Variants in ZDHHC14 observed in about 807,000 individuals in gnomAD.
The protein encoded by ZDHHC14 is zDHHC palmitoyltransferase 14.
ZDHHC14 carries 16 observed loss-of-function variants against 47.7 expected under a neutral mutation model. The observed-to-expected ratio is 0.34, with a 90% CI of 0.23 to 0.51. The LOEUF is 0.51. ZDHHC14 is among the 20% of genes least tolerant of loss of function. ZDHHC14 has a pLI of 0.97. For missense variants in ZDHHC14, 515 were observed against 662.5 expected, an observed-to-expected ratio of 0.78 and a Z score of 2.44; for synonymous variants, 293 against 278.9, an observed-to-expected ratio of 1.05 and a Z score of -0.50.
chr6:157,633,290 C>T (rs1375086784), intron 5 of ZDHHC14, among the ~76,000 whole-genome samples: 1 of 152,202 alleles, frequency 6.6e-6, no homozygotes, highest in Non-Finnish European at 1.5e-5. Flanking sequence ...TCAGACCCCT[C>T]TGTTCCGATT....
rs970077320 is a variant in ZDHHC14, at chr6:157,676,913, T to A, written c.*3791T>A. The A allele has an allele frequency of 1.6e-4, 24 of 152,364 alleles. No homozygotes were observed. The highest frequency in any genetic ancestry group is 5.5e-4 in the African/African-American group (23 of 41,574). The allele number at this position is 152,364 out of a possible 1,614,324, so 9.4% of individuals were successfully genotyped here. On this transcript the variant is annotated 3_prime_UTR_variant, in exon 9 of 9. Transcript: ENST00000359775. ...GGGATCGGGGTTTGCGTTGATATTA[T>A]AAGGAATCTTCCCAGAAGGAGCTGC...
chr6:157,432,836 A>T (rs540427324), intron 1 of ZDHHC14, among the ~76,000 whole-genome samples: 1 of 152,342 alleles, frequency 6.6e-6, no homozygotes, highest in South Asian at 2.1e-4. Flanking sequence ...ACAGCTTTTC[A>T]TGCTTCTGGA....
At chr6:157,495,583 T>C (rs1377606072) in intron 1 of ZDHHC14, among the ~76,000 whole-genome samples, 2 of 151,258 alleles carry the variant, frequency 1.3e-5, no homozygotes, top group South Asian at 2.1e-4. Flanking sequence ...CATGGGAGGG[T>C]ACATGACATT....
chr6:157,632,922 G>C (rs1294630947), intron 5 of ZDHHC14, 40 bp downstream of exon 5: 1 of 1,607,356 alleles, frequency 6.2e-7, no homozygotes, highest in Admixed American at 1.7e-5. Flanking sequence ...ATGCTAATGT[G>C]TTGAGTATCT....
intron 3 of ZDHHC14, among the ~76,000 whole-genome samples, chr6:157,626,416 C>A (rs1466976065): frequency 6.6e-6 from 1 of 152,160 alleles, no homozygotes; most frequent in Non-Finnish European, 1.5e-5. Flanking sequence ...TCTCTCTGTG[C>A]ACGTTGACAC....
intron 8 of ZDHHC14, 67 bp downstream of exon 8, chr6:157,653,694 C>T: frequency 6.6e-7 from 1 of 1,509,612 alleles, no homozygotes; most frequent in Non-Finnish European, 9.1e-7. Flanking sequence ...TAACAGGCCA[C>T]CAAGCAGCCT....
chr6:157,473,245 A>G (rs949067664), intron 1 of ZDHHC14, among the ~76,000 whole-genome samples: 6 of 152,236 alleles, frequency 3.9e-5, no homozygotes, highest in Non-Finnish European at 4.4e-5. Flanking sequence ...GTCATGATGT[A>G]CAATAGAGCT....
intron 3 of ZDHHC14, among the ~76,000 whole-genome samples, chr6:157,625,596 G>A (rs111976851): frequency 0.03 from 4,533 of 152,162 alleles, 140 homozygotes; most frequent in African/African-American, 0.082. Context: ...GGGAGAGCAC[G>A]CAGGCTCGAG....
At chr6:157,481,696 G>C (rs143292106) in intron 1 of ZDHHC14, among the ~76,000 whole-genome samples, 6 of 152,244 alleles carry the variant, frequency 3.9e-5, no homozygotes, top group African/African-American at 1.2e-4. Context: ...CTTCCAGGAA[G>C]TCCTCAGTGC....
intron 1 of ZDHHC14, among the ~76,000 whole-genome samples, chr6:157,453,590 C>T (rs917948707): frequency 9.2e-5 from 14 of 152,210 alleles, no homozygotes; most frequent in Admixed American, 3.9e-4. Context: ...TTCATTCATA[C>T]AGTGAATGTT....
At chr6:157,650,529 C>T (rs1317681343) in intron 7 of ZDHHC14, among the ~76,000 whole-genome samples, 3 of 151,928 alleles carry the variant, frequency 2.0e-5, no homozygotes, top group Non-Finnish European at 4.4e-5. Context: ...GGATGCTGGC[C>T]GAGAACGCTT....
At chr6:157,647,509 G>T (rs1562527638) in intron 7 of ZDHHC14, 141 bp downstream of exon 7, 3 of 563,674 alleles carry the variant, frequency 5.3e-6, no homozygotes, top group East Asian at 5.8e-5. Flanking sequence ...TGGCCTTCGT[G>T]AAATCGAGAT....
chr6:157,475,701 T>C (rs1264876476), intron 1 of ZDHHC14, among the ~76,000 whole-genome samples: 1 of 152,148 alleles, frequency 6.6e-6, no homozygotes, highest in Non-Finnish European at 1.5e-5. Flanking sequence ...TGATTGTTAG[T>C]ATATAGAAAT....
intron 3 of ZDHHC14, among the ~76,000 whole-genome samples, chr6:157,627,150 CA>C (rs1432987946): frequency 1.3e-5 from 2 of 152,192 alleles, no homozygotes; most frequent in Non-Finnish European, 2.9e-5. Flanking sequence ...TTTCAAGAAA[CA>C]AGCTTGCATT....
chr6:157,645,585 C>T lies in ZDHHC14; in HGVS notation c.753-152C>T, dbSNP rs1777489285. 22 of 611,532 alleles carry T rather than the reference C, an allele frequency of 3.6e-5. No individual in the cohort carries two copies. In the East Asian group the frequency reaches 6.4e-4, roughly 18 times the overall value. 37.9% of individuals were successfully genotyped at this position (611,532 alleles called of 1,614,324 possible). A position where few individuals can be genotyped will look rare whatever the true frequency, so the allele number is the denominator to read the frequency against. On this transcript the variant is annotated intron_variant, in intron 5 of 8. Transcript: ENST00000359775. Reference sequence around the variant, plus strand: ...GCCTCCATCTGGTTAGACGAAATTCCCGGAAGAGCAGGAAGCAAGGCAAGG... The same window carrying T: ...GCCTCCATCTGGTTAGACGAAATTCTCGGAAGAGCAGGAAGCAAGGCAAGG...
At chr6:157,648,045 T>C (rs1777646253) in intron 7 of ZDHHC14, among the ~76,000 whole-genome samples, 1 of 152,178 alleles carries the variant, frequency 6.6e-6, no homozygotes, top group African/African-American at 2.4e-5. Flanking sequence ...AAATGCCGGC[T>C]AGTCAGGACA....
intron 3 of ZDHHC14, among the ~76,000 whole-genome samples, chr6:157,622,555 G>A (rs1362730200): frequency 6.6e-6 from 1 of 152,084 alleles, no homozygotes; most frequent in African/African-American, 2.4e-5. Context: ...GCATTCCACT[G>A]TAGCCTCTGG....
chr6:157,527,486 C>T (rs1318113698), intron 1 of ZDHHC14, among the ~76,000 whole-genome samples: 1 of 152,140 alleles, frequency 6.6e-6, no homozygotes, highest in African/African-American at 2.4e-5. Flanking sequence ...CATCTTGCAC[C>T]ATGCAGCCTC....
At chr6:157,464,183 C>T (rs912954569) in intron 1 of ZDHHC14, among the ~76,000 whole-genome samples, 6 of 152,078 alleles carry the variant, frequency 3.9e-5, no homozygotes, top group Non-Finnish European at 8.8e-5. Flanking sequence ...CTTCTTTAAC[C>T]TTAGAGTTCT....
Sources: gnomAD v4.1 joint callset for allele counts (sites outside exome capture counted in the v4.1 genomes callset) on GRCh38, gnomAD v4.1.1 for gene constraint, MANE v1.5 for transcripts, NCBI Gene and HGNC (gene_info 2026-07-23, HGNC 2026-07-21) for gene names.